PLEC: variants seen among roughly 807,000 people sequenced by gnomAD.
The protein encoded by PLEC is hemidesmosomal protein 1.
In PLEC, 216 loss-of-function variants were observed where a neutral mutation model predicts 392.8. The ratio of observed to expected loss-of-function variants is 0.55; its 90% CI spans 0.49 to 0.62. The LOEUF is 0.62. PLEC is among the 20% of genes least tolerant of loss of function. The pLI, the probability that PLEC is intolerant of heterozygous loss-of-function variation, is 0.00. For synonymous variants in PLEC, 3,621 were observed against 2,980.6 expected, an observed-to-expected ratio of 1.21 and a Z score of -7.00; for missense variants, 6,863 against 6,563.4, an observed-to-expected ratio of 1.05 and a Z score of -1.58.
chr8:143,941,985 G>A (rs901559863), upstream of PLEC, among the ~76,000 whole-genome samples: 4 of 152,154 alleles, frequency 2.6e-5, no homozygotes, highest in Admixed American at 2.6e-4. Context: ...TAGTGGAGAC[G>A]GTCCTAGGAT....
chr8:143,962,297 G>A (rs1458963371), intron 1 of PLEC, among the ~76,000 whole-genome samples: 5 of 152,206 alleles, frequency 3.3e-5, no homozygotes, highest in African/African-American at 9.7e-5. Flanking sequence ...CAGTGGAGTT[G>A]GAAGAGGCAG....
Position 143,927,296 on chromosome 8 carries a change from C to G in PLEC, c.3796G>C (p.Glu1266Gln), listed in dbSNP as rs377647607. The G allele has an allele frequency of 6.8e-6, 11 of 1,613,324 alleles. No homozygotes were observed. The highest frequency in any genetic ancestry group is 8.5e-6 in the Non-Finnish European group (10 of 1,179,982). ...EEIERHGEKV[E>Q]ECQRFAKQYI... ...TGTTTCGCAAACCTCTGGCACTCCT[C>G]GACCTTCTCGCCGTGGCGCTCGATC... The change falls in exon 28 of 32, where the codon GAG becomes CAG. Residue 1266 changes from glutamate to glutamine, a missense_variant. Physicochemically the swap from Glu to Gln is conservative, Grantham distance 29. Coordinates refer to ENST00000345136, the MANE Select transcript of PLEC (RefSeq NM_201384.3).
Position 143,924,195 on chromosome 8 carries a change from GCCC to G in PLEC, c.5731_5733del (p.Gly1911del). ...CGCTGCCTCAGCGTGTCCTCCACCA[GCCC>G]CTTCTGCCGCTCCAGCTCGCTGTCC... On this transcript the variant is annotated inframe_deletion, in exon 31 of 32. Coordinates refer to ENST00000345136, the MANE Select transcript of PLEC (RefSeq NM_201384.3). 4.4e-6 allele frequency: 7 copies of G among 1,598,958 alleles called. No homozygotes were observed. The highest frequency in any genetic ancestry group is 5.9e-6 in the Non-Finnish European group (7 of 1,179,536).
At chr8:143,953,733 G>T, upstream of PLEC, 1 of 1,612,028 alleles carries the variant, frequency 6.2e-7, no homozygotes, top group Non-Finnish European at 8.5e-7. Flanking sequence ...CACCTTTGAG[G>T]GAGCTGATCT....
At position 143,926,593 on chromosome 8, in the gene PLEC, G is replaced by A. The variant is rs545969201; in HGVS notation, c.4044+191C>T. Among the ~76,000 whole-genome samples the A allele has an allele frequency of 2.4e-3, 369 of 152,292 alleles. 2 individuals carry two copies. The highest frequency in any genetic ancestry group is 7.9e-3 in the African/African-American group (328 of 41,572). On this transcript the variant is annotated intron_variant, in intron 30 of 31. Transcript: ENST00000345136. Reference sequence around the variant, plus strand: ...TGGGGGAGCAGTGTAGCCACACCAGGCCAGGGGGGCAGGCCACAGGTGGGG... The same window carrying A: ...TGGGGGAGCAGTGTAGCCACACCAGACCAGGGGGGCAGGCCACAGGTGGGG...
chr8:143,938,548 A>G, intron 2 of PLEC, 83 bp downstream of exon 2: 1 of 1,548,006 alleles, frequency 6.5e-7, no homozygotes, highest in Non-Finnish European at 8.9e-7. Flanking sequence ...GCATGGGGAC[A>G]GCCTTGGGCG....
rs199710707 is a variant in PLEC, at chr8:143,919,447, C to T, written c.10374G>A (p.Arg3458=). 1.0e-4 allele frequency: 162 copies of T among 1,613,142 alleles called. No individual in the cohort carries two copies. Among genetic ancestry groups the T allele is most frequent in the Non-Finnish European group, 1.3e-4 (154 of 1,179,858 alleles). Residue 3458 remains arginine, a synonymous_variant, in exon 32 of 32, where the codon CGG becomes CGA. Coordinates refer to ENST00000345136, the MANE Select transcript of PLEC (RefSeq NM_201384.3). The part of the protein sequence containing the change: ...FQAMQKGLVL[R]QHGIRLLEAQ... ...CCTCCAGCAGGCGGATGCCGTGCTG[C>T]CGGAGAACCAGGCCCTTCTGCATGG...
intron 30 of PLEC, 48 bp from the exon 31 acceptor site, chr8:143,925,932 C>G: frequency 6.6e-7 from 1 of 1,521,246 alleles, no homozygotes; most frequent in Non-Finnish European, 8.8e-7. Context: ...AGTGTGAACA[C>G]GGGCAGGCGC....
rs1270898395 is a variant in PLEC at position 143,930,177 on chromosome 8, G to A, written c.2579C>T (p.Pro860Leu). 1.6e-5 allele frequency: 25 copies of A among 1,580,616 alleles called. No individual in the cohort carries two copies. The highest frequency in any genetic ancestry group is 3.4e-5 in the South Asian group (3 of 88,584). Reference sequence around the variant, plus strand: ...GGCCTCCTGGGCCTCCTGGTTGGGCGGGGGCACCAGGAAGCACACGGAGGG... The same window carrying A: ...GGCCTCCTGGGCCTCCTGGTTGGGCAGGGGCACCAGGAAGCACACGGAGGG... ...AVPSVCFLVP[P>L]PNQEAQEAVT... Residue 860 changes from proline (P) to leucine (L), a missense_variant, in exon 21 of 32, where the codon CCG becomes CTG. Transcript: ENST00000345136.
chr8:143,953,746 T>C, upstream of PLEC: 1 of 1,612,114 alleles, frequency 6.2e-7, no homozygotes, highest in Non-Finnish European at 8.5e-7. Context: ...GCTGATCTCG[T>C]TCTGGATGGC....
intron 5 of PLEC, 118 bp downstream of exon 5, chr8:143,936,861 G>A (rs1038804489): frequency 6.2e-5 from 49 of 789,492 alleles, no homozygotes; most frequent in Middle Eastern, 3.2e-4. Flanking sequence ...TACCTACGGC[G>A]CCAGTCACCT....
chr8:143,976,126 G>C (rs908844009), upstream of PLEC, among the ~76,000 whole-genome samples: 1 of 152,228 alleles, frequency 6.6e-6, no homozygotes, highest in African/African-American at 2.4e-5. Context: ...CGTGGGCCGC[G>C]GGAGCTCTGC....
chr8:143,931,912 G>A (rs1827384950), intron 18 of PLEC, 25 bp downstream of exon 18: 12 of 1,582,396 alleles, frequency 7.6e-6, no homozygotes, highest in Non-Finnish European at 1.0e-5. Context: ...CTGAGCCACA[G>A]TGCGGAGGGG....
In PLEC at chr8:143,930,232, G is replaced by A. The variant is rs905343536; in HGVS notation, c.2524C>T (p.Leu842Phe). 1 of 1,594,516 alleles carries A rather than the reference G, an allele frequency of 6.3e-7. No homozygotes were observed. Among genetic ancestry groups the A allele is most frequent in the African/African-American group, 1.3e-5 (1 of 74,856 alleles). Residue 842 changes from leucine to phenylalanine, a missense_variant, in exon 21 of 32, where the codon CTC (leucine) becomes TTC (phenylalanine). Transcript: ENST00000345136. ...GPAQPSHWKVLSSSGSEAAVP... is the reference protein window; with the variant it reads ...GPAQPSHWKVFSSSGSEAAVP... ...GCGGCCTCGCTGCCGGAGCTGCTGA[G>A]CACCTTCCAGTGGGACGGCTGTGCA...
At chr8:143,954,415 C>T (rs1554738586), upstream of PLEC, among the ~76,000 whole-genome samples, 1 of 152,214 alleles carries the variant, frequency 6.6e-6, no homozygotes, top group Non-Finnish European at 1.5e-5. The surrounding 1 kb of genome is among the most constrained non-coding windows in gnomAD (Gnocchi z 4.6). Flanking sequence ...GACCTGCACC[C>T]TGGTCTCTGC....
rs1563957833 is a variant in PLEC at position 143,919,342 on chromosome 8, G to A, written c.10479C>T (p.Tyr3493=). 4.3e-6 allele frequency: 7 copies of A among 1,613,946 alleles called. No individual in the cohort carries two copies. The highest frequency in any genetic ancestry group is 5.9e-6 in the Non-Finnish European group (7 of 1,180,026). ...VPVDVAYQRG[Y]FSEEMNRVLA... ...GGACGCGGTTCATCTCCTCACTGAAGTAGCCGCGCTGGTAGGCCACGTCCA... is the reference window on the plus strand; with the variant it reads ...GGACGCGGTTCATCTCCTCACTGAAATAGCCGCGCTGGTAGGCCACGTCCA... Residue 3493 remains tyrosine (Y), a synonymous_variant, in exon 32 of 32, where the codon TAC becomes TAT. Coordinates refer to ENST00000345136, the MANE Select transcript of PLEC (RefSeq NM_201384.3).
At position 143,918,444 on chromosome 8, in the gene PLEC, T is replaced by C; in HGVS notation, c.11377A>G (p.Thr3793Ala). Reference sequence around the variant, plus strand: ...TCCAGCAGCCGCAGGGCCTCCTCAGTAGGGATCAGCTCCTTCTTCATGGCC... The same window carrying C: ...TCCAGCAGCCGCAGGGCCTCCTCAGCAGGGATCAGCTCCTTCTTCATGGCC... ...FQAMKKELIP[T>A]EEALRLLDAQ... Residue 3793 changes from threonine to alanine, a missense_variant, in exon 32 of 32, where the codon ACT becomes GCT. Coordinates refer to ENST00000345136, the MANE Select transcript of PLEC (RefSeq NM_201384.3). The C allele has an allele frequency of 6.3e-7, 1 of 1,584,668 alleles. No individual in the cohort carries two copies. The highest frequency in any genetic ancestry group is 1.7e-4 in the Middle Eastern group (1 of 6,020).
At position 143,925,301 on chromosome 8, in the gene PLEC, A is replaced by T; in HGVS notation, c.4628T>A (p.Leu1543Gln). The stretch of plus-strand genomic sequence containing the variant: ...GCGCCGCTCCGCCTCCTCCGCCTGC[A>T]GCCGCAGCTCCTCCAGGGCCTGCAG... The part of the protein sequence containing the change: ...RALQALEELR[L>Q]QAEEAERRLR... The change falls in exon 31 of 32, where the codon CTG (leucine) becomes CAG (glutamine). Residue 1543 changes from leucine (L) to glutamine (Q), a missense_variant. Physicochemically the swap from Leu to Gln is moderately radical, Grantham distance 113. Coordinates refer to ENST00000345136, the MANE Select transcript of PLEC (RefSeq NM_201384.3). 1 of 1,571,856 alleles carries T rather than the reference A, an allele frequency of 6.4e-7. No individual in the cohort carries two copies. Among genetic ancestry groups the T allele is most frequent in the Non-Finnish European group, 8.6e-7 (1 of 1,167,510 alleles).
chr8:143,945,655 C>T (rs1181867929), intron 1 of PLEC, among the ~76,000 whole-genome samples: 1 of 152,224 alleles, frequency 6.6e-6, no homozygotes, highest in Non-Finnish European at 1.5e-5. Context: ...CCTGAGGCGC[C>T]GCCTGCTGTC....
Sources: gnomAD v4.1 joint callset for allele counts (sites outside exome capture counted in the v4.1 genomes callset) on GRCh38, gnomAD v4.1.1 for gene constraint, Gnocchi (gnomAD v3.1) non-coding constraint, MANE v1.5 for transcripts, NCBI Gene and HGNC (gene_info 2026-07-23, HGNC 2026-07-21) for gene names.